Variants in PLEKHD1 observed in about 807,000 individuals in gnomAD.
PLEKHD1 encodes the protein pleckstrin homology and coiled-coil domain containing D1.
PLEKHD1 carries 51 observed loss-of-function variants against 69.2 expected under a neutral mutation model. The observed-to-expected ratio is 0.74, with a 90% CI of 0.59 to 0.93. The LOEUF is 0.93. Ranked by LOEUF, PLEKHD1 falls within the 40% of genes least tolerant of loss-of-function variation. The pLI, the probability that PLEKHD1 is intolerant of heterozygous loss-of-function variation, is 0.00. For synonymous variants in PLEKHD1, 236 were observed against 244.7 expected (o/e 0.96, Z 0.33); for missense variants, 584 against 641.0 (o/e 0.91, Z 0.96).
chr14:69,482,479 G>A (rs143869068), upstream of PLEKHD1, among the ~76,000 whole-genome samples: 1 of 152,344 alleles, frequency 6.6e-6, no homozygotes, highest in African/African-American at 2.4e-5. Context: ...AAGTGCTGCA[G>A]AAGCTGTTGG....
chr14:69,519,743 T>A (rs75645651), intron 6 of PLEKHD1, among the ~76,000 whole-genome samples: 3,093 of 152,246 alleles, frequency 0.02, 112 homozygotes, highest in African/African-American at 0.07. Flanking sequence ...CAGCGTAATA[T>A]CAAGTAACGG....
In PLEKHD1 at chr14:69,500,169, G is replaced by T. The variant is rs1293759018; in HGVS notation, c.204G>T (p.Lys68Asn). 4 of 1,550,708 alleles carry T rather than the reference G, an allele frequency of 2.6e-6. No individual in the cohort carries two copies. In the African/African-American group the frequency reaches 5.5e-5, roughly 21 times the overall value. The change falls in exon 2 of 13, where the codon AAG (lysine) becomes AAT (asparagine). Residue 68 changes from lysine (K) to asparagine (N), a missense_variant. Lys to Asn is a moderately conservative substitution (Grantham distance 94). Transcript: ENST00000322564. ...TTTACTACTCTGAGAGCGAAAAAAAGAGCTTTGAAACCAATAAATACTTCA... is the reference window on the plus strand; with the variant it reads ...TTTACTACTCTGAGAGCGAAAAAAATAGCTTTGAAACCAATAAATACTTCA... ...FLLYYSESEK[K>N]SFETNKYFNI...
At chr14:69,524,971 C>T (rs1883609520) in intron 8 of PLEKHD1, among the ~76,000 whole-genome samples, 1 of 152,114 alleles carries the variant, frequency 6.6e-6, no homozygotes, top group Admixed American at 6.6e-5. Context: ...ATACCTTTTC[C>T]CACACTGTTC....
intron 6 of PLEKHD1, among the ~76,000 whole-genome samples, chr14:69,512,872 G>A (rs1029567333): frequency 3.3e-5 from 5 of 151,292 alleles, no homozygotes; most frequent in Non-Finnish European, 5.9e-5. Flanking sequence ...GGCAAGCCTG[G>A]GCAACACAGC....
At chr14:69,500,522 C>T in intron 2 of PLEKHD1, 55 bp from the exon 3 acceptor site, 2 of 1,462,206 alleles carry the variant, frequency 1.4e-6, no homozygotes, top group Non-Finnish European at 1.8e-6. Context: ...CCCCAGAACC[C>T]CTGAGTGACC....
chr14:69,510,781 A>G (rs1191155700), intron 6 of PLEKHD1, among the ~76,000 whole-genome samples: 1 of 152,190 alleles, frequency 6.6e-6, no homozygotes, highest in African/African-American at 2.4e-5. Context: ...TAGGAATTCC[A>G]GTACAATGTT....
chr14:69,528,799 C>T lies in PLEKHD1; in HGVS notation c.*380C>T. On this transcript the variant is annotated 3_prime_UTR_variant, in exon 13 of 13. Transcript: ENST00000322564. The stretch of plus-strand genomic sequence containing the variant: ...TGCCCCACTGAGGAAGATGGCAGCC[C>T]TCCCTGGTGCCCACTGGACCTCTCT... 4.7e-6 allele frequency: 1 copy of T among 210,938 alleles called. No individual in the cohort carries two copies. The allele number at this position is 210,938 out of a possible 1,614,324, so 13.1% of individuals were successfully genotyped here.
In PLEKHD1 at chr14:69,500,594, G is replaced by A; in HGVS notation, c.261G>A (p.Gly87=). ...NIHPKGVIPL[G]GCLVEPKEEP... ...TTCCTCAGGGCGTCATCCCTCTGGG[G>A]GGCTGCCTGGTGGAGCCCAAGGAAG... The change falls in exon 3 of 13, where the codon GGG becomes GGA. Residue 87 remains glycine (G), a synonymous_variant. Coordinates refer to ENST00000322564, the MANE Select transcript of PLEKHD1 (RefSeq NM_001161498.2). 1 of 1,550,744 alleles carries A rather than the reference G, an allele frequency of 6.4e-7. No homozygotes were observed. Among genetic ancestry groups the A allele is most frequent in the East Asian group, 2.4e-5 (1 of 40,922 alleles).
intron 1 of PLEKHD1, 99 bp downstream of exon 1, chr14:69,485,213 C>T: frequency 7.5e-7 from 1 of 1,334,098 alleles, no homozygotes; most frequent in East Asian, 2.5e-5. Context: ...CTCTGCTTTC[C>T]TGTGTGACCT....
intron 11 of PLEKHD1, 110 bp from the exon 12 acceptor site, chr14:69,527,673 G>A (rs894322647): frequency 3.5e-5 from 48 of 1,367,080 alleles, no homozygotes; most frequent in South Asian, 9.8e-5. Flanking sequence ...CTCGAGGGAC[G>A]GGGTCAAAAT....
chr14:69,527,054 A>G (rs1439900738), intron 10 of PLEKHD1, 134 bp from the exon 11 acceptor site: 1 of 1,243,236 alleles, frequency 8.0e-7, no homozygotes, highest in African/African-American at 1.5e-5. Context: ...TTCAAAGGGT[A>G]AGACTCAGAA....
chr14:69,485,222 C>G, intron 1 of PLEKHD1, 108 bp downstream of exon 1: 1 of 1,243,720 alleles, frequency 8.0e-7, no homozygotes, highest in Non-Finnish European at 1.1e-6. Flanking sequence ...CCTGTGTGAC[C>G]TTGGCGTCAC....
At chr14:69,498,099 T>TTA (rs946904499) in intron 1 of PLEKHD1, among the ~76,000 whole-genome samples, 1 of 146,214 alleles carries the variant, frequency 6.8e-6, no homozygotes. Context: ...TTATTTTATT[T>TTA]TATTTTAGAG....
At chr14:69,471,357 C>T in the PLEKHD1 span, among the ~76,000 whole-genome samples, 492 of 151,600 alleles carry the variant, frequency 3.2e-3, 3 homozygotes, top group African/African-American at 0.011. Flanking sequence ...GGGATCCTCC[C>T]GTCTTGACCT....
intron 1 of PLEKHD1, among the ~76,000 whole-genome samples, chr14:69,496,424 T>C (rs1166790406): frequency 6.6e-6 from 1 of 152,224 alleles, no homozygotes; most frequent in Non-Finnish European, 1.5e-5. Context: ...GTTGCCCACA[T>C]GGTCAGGTTC....
intron 1 of PLEKHD1, among the ~76,000 whole-genome samples, chr14:69,486,364 G>A (rs1882655866): frequency 6.6e-6 from 1 of 152,166 alleles, no homozygotes; most frequent in East Asian, 1.9e-4. Context: ...TGTTGCTTCT[G>A]ACAGGTTTCT....
intron 1 of PLEKHD1, among the ~76,000 whole-genome samples, chr14:69,488,677 G>T (rs1204370147): frequency 2.6e-5 from 4 of 152,190 alleles, no homozygotes; most frequent in African/African-American, 7.2e-5. Context: ...AGGGGACAGA[G>T]CAGAGGAGCT....
At chr14:69,522,201 T>C (rs1337085150) in intron 6 of PLEKHD1, 82 bp from the exon 7 acceptor site, 2 of 1,276,702 alleles carry the variant, frequency 1.6e-6, no homozygotes, top group African/African-American at 3.0e-5. Flanking sequence ...TCCCAGAGGG[T>C]CCCTTGGGAT....
At chr14:69,479,718 C>G (rs554609331), upstream of PLEKHD1, among the ~76,000 whole-genome samples, 2 of 152,062 alleles carry the variant, frequency 1.3e-5, no homozygotes, top group African/African-American at 2.4e-5. Context: ...CTTCAGAACA[C>G]GAAAGCCCAG....
Sources: gnomAD v4.1 joint callset for allele counts (sites outside exome capture counted in the v4.1 genomes callset) on GRCh38, gnomAD v4.1.1 for gene constraint, MANE v1.5 for transcripts, NCBI Gene and HGNC (gene_info 2026-07-23, HGNC 2026-07-21) for gene names.